Variants in ROBO1 observed in about 807,000 individuals in gnomAD.
ROBO1 encodes the protein roundabout guidance receptor 1.
In ROBO1, 149 loss-of-function variants were observed where a neutral mutation model predicts 195.9. The ratio of observed to expected loss-of-function variants is 0.76; its 90% CI spans 0.67 to 0.87. ROBO1 has a LOEUF of 0.87. Ranked by LOEUF, ROBO1 falls within the 40% of genes least tolerant of loss-of-function variation. ROBO1 has a pLI of 0.00. For missense variants in ROBO1, 1,933 were observed against 2,068.3 expected (o/e 0.93, Z 1.27); for synonymous variants, 816 against 733.2 (o/e 1.11, Z -1.82).
intron 25 of ROBO1, among the ~76,000 whole-genome samples, chr3:78,629,519 T>C (rs906379): frequency 0.97 from 147,600 of 152,134 alleles, 71,621 homozygotes; most frequent in East Asian, 0.99. Flanking sequence ...CAGTGAAATA[T>C]CATCTCTACA....
At chr3:78,716,788 G>C (rs147309497) in intron 7 of ROBO1, among the ~76,000 whole-genome samples, 2 of 152,168 alleles carry the variant, frequency 1.3e-5, no homozygotes, top group East Asian at 3.9e-4. Flanking sequence ...ATTCCCTAAG[G>C]CTCCCTGATT....
chr3:79,370,660 C>T (rs2036159102), intron 2 of ROBO1, among the ~76,000 whole-genome samples: 1 of 150,810 alleles, frequency 6.6e-6, no homozygotes, highest in Non-Finnish European at 1.5e-5. Context: ...AAAATGTTAT[C>T]TATAATAATG....
At chr3:79,483,831 G>T (rs1352546132) in intron 2 of ROBO1, among the ~76,000 whole-genome samples, 1 of 152,086 alleles carries the variant, frequency 6.6e-6, no homozygotes, top group Admixed American at 6.5e-5. Flanking sequence ...GGGGGTGGGG[G>T]AACCAAAAAG....
intron 3 of ROBO1, among the ~76,000 whole-genome samples, chr3:78,951,667 C>T (rs189108443): frequency 2.0e-5 from 3 of 152,130 alleles, no homozygotes; most frequent in Non-Finnish European, 4.4e-5. Context: ...TCAGGGAAAG[C>T]GCAGGGCAGG....
At chr3:79,517,807 T>G (rs1194068175) in intron 2 of ROBO1, among the ~76,000 whole-genome samples, 1 of 152,224 alleles carries the variant, frequency 6.6e-6, no homozygotes, top group Non-Finnish European at 1.5e-5. Flanking sequence ...ATTACTCTAC[T>G]ATGAAATAAA....
chr3:79,342,025 T>G (rs1372139238), intron 2 of ROBO1, among the ~76,000 whole-genome samples: 1 of 152,070 alleles, frequency 6.6e-6, no homozygotes. Flanking sequence ...GCTTTCCAAT[T>G]GAAGGGAAAC....
chr3:79,746,093 C>G (rs1018005635), intron 1 of ROBO1, among the ~76,000 whole-genome samples: 7 of 151,996 alleles, frequency 4.6e-5, no homozygotes, highest in African/African-American at 1.7e-4. Context: ...TTCCCTATTT[C>G]TATCATAAGT....
intron 8 of ROBO1, among the ~76,000 whole-genome samples, chr3:78,704,339 C>A (rs1404685566): frequency 6.6e-6 from 1 of 151,970 alleles, no homozygotes; most frequent in African/African-American, 2.4e-5. Context: ...ATCATACGAG[C>A]TCCAAAAAAT....
At chr3:79,654,475 A>G (rs907081488) in intron 1 of ROBO1, among the ~76,000 whole-genome samples, 4 of 152,028 alleles carry the variant, frequency 2.6e-5, no homozygotes, top group Non-Finnish European at 4.4e-5. Context: ...TCAATATAAA[A>G]TGAAATGATT....
chr3:79,019,037 C>T (rs1256835632), intron 3 of ROBO1: 1 of 988,690 alleles, frequency 1.0e-6, no homozygotes, highest in Non-Finnish European at 1.2e-6. Flanking sequence ...TGACTCCGCG[C>T]GCAGAGAGCG....
In ROBO1 at chr3:78,668,275, C is replaced by T; in HGVS notation, c.1658G>A (p.Arg553Lys). Residue 553 changes from arginine to lysine, a missense_variant, in exon 13 of 31, where the codon AGA becomes AAA. Physicochemically the swap from Arg to Lys is conservative, Grantham distance 26. Transcript: ENST00000464233. ...AGGGATTAAATTTGGGTCAGTAGGT[C>T]TTGGAGGCTGAACTGGAACTCCAAA... Reference protein sequence around the residue: ...QEFGVPVQPPRPTDPNLIPSA... With the variant: ...QEFGVPVQPPKPTDPNLIPSA... 1 of 1,613,558 alleles carries T rather than the reference C, an allele frequency of 6.2e-7. No individual in the cohort carries two copies. The highest frequency in any genetic ancestry group is 8.5e-7 in the Non-Finnish European group (1 of 1,179,740).
intron 3 of ROBO1, among the ~76,000 whole-genome samples, chr3:79,045,739 C>G (rs1349107132): frequency 6.6e-6 from 1 of 152,058 alleles, no homozygotes; most frequent in Non-Finnish European, 1.5e-5. Flanking sequence ...TCTATCTATC[C>G]TAATCAACTT....
At chr3:79,272,174 T>C (rs974304436) in intron 2 of ROBO1, among the ~76,000 whole-genome samples, 2 of 152,010 alleles carry the variant, frequency 1.3e-5, no homozygotes, top group Non-Finnish European at 2.9e-5. Flanking sequence ...ATATAAGTAT[T>C]GAAAGCATGG....
intron 3 of ROBO1, among the ~76,000 whole-genome samples, chr3:78,966,290 A>G (rs1443316963): frequency 1.3e-5 from 2 of 152,234 alleles, no homozygotes; most frequent in African/African-American, 4.8e-5. Flanking sequence ...AACATTTTCT[A>G]ACCTATGGTT....
At chr3:79,311,613 G>A (rs900007267) in intron 2 of ROBO1, among the ~76,000 whole-genome samples, 4 of 152,114 alleles carry the variant, frequency 2.6e-5, no homozygotes, top group Non-Finnish European at 5.9e-5. Flanking sequence ...AGCTGGTTGA[G>A]GAAGACAACT....
intron 3 of ROBO1, among the ~76,000 whole-genome samples, chr3:79,025,453 T>G: frequency 6.6e-6 from 1 of 152,180 alleles, no homozygotes. Context: ...TTTTGTTTAC[T>G]TTTTTAGTCC....
chr3:79,715,450 A>G (rs1005244578), intron 1 of ROBO1, among the ~76,000 whole-genome samples: 3 of 152,160 alleles, frequency 2.0e-5, no homozygotes, highest in African/African-American at 7.2e-5. Flanking sequence ...CAAAAATCAC[A>G]AGACAATGAA....
At chr3:79,587,890 C>G (rs914310488) in intron 2 of ROBO1, among the ~76,000 whole-genome samples, 5 of 151,762 alleles carry the variant, frequency 3.3e-5, no homozygotes, top group African/African-American at 1.2e-4. Context: ...GACTTCCACT[C>G]TGCAGGTGTT....
At chr3:78,626,965 G>A (rs1704833259) in intron 26 of ROBO1, among the ~76,000 whole-genome samples, 1 of 152,066 alleles carries the variant, frequency 6.6e-6, no homozygotes, top group Non-Finnish European at 1.5e-5. Context: ...GACCAAAGAA[G>A]TGACTTATTG....
Sources: allele counts gnomAD v4.1 joint callset (sites outside exome capture counted in the v4.1 genomes callset), GRCh38; gene constraint gnomAD v4.1.1; transcripts MANE v1.5; gene names NCBI Gene and HGNC (gene_info 2026-07-23, HGNC 2026-07-21).